SYNE1: variants seen among roughly 807,000 people sequenced by gnomAD.
SYNE1 encodes nesprin-1.
SYNE1 carries 616 observed loss-of-function variants against 1,111.0 expected under a neutral mutation model. The ratio of observed to expected loss-of-function variants is 0.55; its 90% CI spans 0.52 to 0.59. The LOEUF (loss-of-function observed/expected upper bound fraction) is 0.59, where lower values mean the gene tolerates loss of function less well. Ranked by LOEUF, SYNE1 falls within the 20% of genes least tolerant of loss-of-function variation. The probability of loss-of-function intolerance (pLI) is 0.00; values close to 1 mark genes in which losing one functional copy is unlikely to be tolerated. For missense variants in SYNE1, 10,006 were observed against 10,417.0 expected (o/e 0.96, Z 1.72); for synonymous variants, 3,855 against 3,825.8 (o/e 1.01, Z -0.28).
chr6:152,319,806 T>C (rs910731629), intron 84 of SYNE1: 4 of 152,162 alleles, frequency 2.6e-5, no homozygotes, highest in Admixed American at 2.6e-4. Flanking sequence ...AAGGCTATGA[T>C]AGGAAAATTA....
intron 66 of SYNE1, among the ~76,000 whole-genome samples, chr6:152,355,644 C>CA (rs2096823753): frequency 6.6e-6 from 1 of 151,926 alleles, no homozygotes; most frequent in African/African-American, 2.4e-5. Flanking sequence ...TTTTATAGGA[C>CA]AAAAAGAATC....
intron 21 of SYNE1, among the ~76,000 whole-genome samples, chr6:152,460,594 C>G (rs78908871): frequency 0.028 from 4,265 of 152,048 alleles, 86 homozygotes; most frequent in Non-Finnish European, 0.033. Flanking sequence ...AATCACTTCT[C>G]TCTTTTACTA....
intron 98 of SYNE1, among the ~76,000 whole-genome samples, chr6:152,276,878 CTTT>C (rs539497198): frequency 5.9e-5 from 6 of 102,140 alleles, no homozygotes; most frequent in African/African-American, 1.2e-4. Context: ...ACTCTGCACT[CTTT>C]TTTTTTTTTT....
intron 3 of SYNE1, among the ~76,000 whole-genome samples, chr6:152,574,426 C>T (rs954904697): frequency 2.0e-5 from 3 of 152,022 alleles, no homozygotes; most frequent in African/African-American, 7.2e-5. Flanking sequence ...CTTGCCTTTC[C>T]TTTCTGCACC....
chr6:152,584,892 A>C (rs545137294), intron 3 of SYNE1, among the ~76,000 whole-genome samples: 1 of 152,286 alleles, frequency 6.6e-6, no homozygotes, highest in South Asian at 2.1e-4. Flanking sequence ...GCATGGTATG[A>C]ATGCATTTTT....
chr6:152,220,272 T>C (rs924863372), intron 119 of SYNE1, among the ~76,000 whole-genome samples: 4 of 152,086 alleles, frequency 2.6e-5, no homozygotes. Context: ...TAAGGACAAA[T>C]AGTAAGAGCC....
At chr6:152,390,009 T>G (rs920640420) in intron 53 of SYNE1, among the ~76,000 whole-genome samples, 55 of 152,284 alleles carry the variant, frequency 3.6e-4, no homozygotes, top group African/African-American at 1.3e-3. Context: ...AAAGGAGATG[T>G]TTTGCTGAGC....
chr6:152,196,243 C>A (rs187736923), intron 127 of SYNE1, among the ~76,000 whole-genome samples: 1 of 152,246 alleles, frequency 6.6e-6, no homozygotes, highest in East Asian at 1.9e-4. Context: ...GAATTGAGTA[C>A]CCCTGGAGCC....
chr6:152,397,630 C>G (rs1318253681), intron 49 of SYNE1, among the ~76,000 whole-genome samples: 2 of 152,170 alleles, frequency 1.3e-5, no homozygotes, highest in African/African-American at 4.8e-5. Flanking sequence ...TCGTTAACTT[C>G]TAATCTAATG....
At chr6:152,415,355 A>T (rs1397567197) in intron 41 of SYNE1, among the ~76,000 whole-genome samples, 1 of 152,214 alleles carries the variant, frequency 6.6e-6, no homozygotes, top group Non-Finnish European at 1.5e-5. Flanking sequence ...AACAGTTAAA[A>T]GCAGTTGTAG....
At chr6:152,230,515 G>T (rs1317292159) in intron 115 of SYNE1, 32 bp downstream of exon 115, 8 of 1,608,220 alleles carry the variant, frequency 5.0e-6, no homozygotes. Flanking sequence ...GAAATTGTGA[G>T]ATGGTGCATG....
intron 9 of SYNE1, among the ~76,000 whole-genome samples, chr6:152,504,297 C>T (rs1290540298): frequency 6.6e-6 from 1 of 152,104 alleles, no homozygotes; most frequent in Non-Finnish European, 1.5e-5. Flanking sequence ...CAAGGAATCT[C>T]CATGGGGCCC....
In SYNE1 at chr6:152,325,212, T is replaced by C; in HGVS notation, c.15529A>G (p.Ser5177Gly). ...ATTGACCTGCTCAGGGTGGCTTTGCTGGCATCATTTCCGGTTTTCTCCAGT... is the reference window on the plus strand; with the variant it reads ...ATTGACCTGCTCAGGGTGGCTTTGCCGGCATCATTTCCGGTTTTCTCCAGT... Reference protein sequence around the residue: ...SQLEKTGNDASKATLSRSMTT... With the variant: ...SQLEKTGNDAGKATLSRSMTT... Residue 5177 changes from serine (S) to glycine (G), a missense_variant, in exon 81 of 146, where the codon AGC (serine) becomes GGC (glycine). Around this residue, in one of 7 missense-constraint regions of SYNE1, gnomAD observed 4,955 missense variants for 5,017.2 expected, o/e 0.99. Transcript: ENST00000367255. 1 of 1,614,186 alleles carries C rather than the reference T, an allele frequency of 6.2e-7. No individual in the cohort carries two copies. The highest frequency in any genetic ancestry group is 8.5e-7 in the Non-Finnish European group (1 of 1,180,036).
At chr6:152,390,125 G>C (rs1253401273) in intron 53 of SYNE1, among the ~76,000 whole-genome samples, 155 bp downstream of exon 53, 2 of 152,108 alleles carry the variant, frequency 1.3e-5, no homozygotes, top group Admixed American at 6.6e-5. Context: ...ACCAGTCATC[G>C]CCCTATGGAA....
At chr6:152,318,748 C>T in intron 85 of SYNE1, 115 bp downstream of exon 85, 1 of 1,232,532 alleles carries the variant, frequency 8.1e-7, no homozygotes, top group Non-Finnish European at 1.1e-6. Context: ...CCTGCTGTTA[C>T]TATTTGGTTT....
intron 62 of SYNE1, among the ~76,000 whole-genome samples, chr6:152,365,254 T>A (rs765327408): frequency 6.6e-6 from 1 of 152,182 alleles, no homozygotes; most frequent in Non-Finnish European, 1.5e-5. Flanking sequence ...CTTCTCTGAA[T>A]AATCCCTTCC....
chr6:152,286,022 C>A (rs1199910665), intron 95 of SYNE1, among the ~76,000 whole-genome samples: 1 of 152,202 alleles, frequency 6.6e-6, no homozygotes, highest in East Asian at 1.9e-4. Context: ...TAATTCCTAT[C>A]TTTTCCACAG....
At chr6:152,175,583 C>T (rs572575673) in intron 130 of SYNE1, among the ~76,000 whole-genome samples, 42 of 152,276 alleles carry the variant, frequency 2.8e-4, no homozygotes, top group African/African-American at 9.4e-4. Context: ...TTCATTGAGT[C>T]CGTATTTAGG....
chr6:152,417,114 C>G, intron 40 of SYNE1, 99 bp from the exon 41 acceptor site: 1 of 1,542,650 alleles, frequency 6.5e-7, no homozygotes, highest in Admixed American at 1.7e-5. Flanking sequence ...TTTTAGGTGC[C>G]ATGGATAGTA....
Sources: gnomAD v4.1 joint callset for allele counts (sites outside exome capture counted in the v4.1 genomes callset) on GRCh38, gnomAD v4.1.1 for gene constraint, gnomAD v4.1.1 regional missense constraint, MANE v1.5 for transcripts, NCBI Gene and HGNC (gene_info 2026-07-23, HGNC 2026-07-21) for gene names.